Variants in NTN1 observed in about 807,000 individuals in gnomAD.
The protein encoded by NTN1 is netrin-1.
In NTN1, 11 loss-of-function variants were observed where a neutral mutation model predicts 54.2. The ratio of observed to expected loss-of-function variants is 0.20; its 90% confidence interval spans 0.13 to 0.34. The LOEUF is 0.34. Ranked by LOEUF, NTN1 falls within the 10% of genes least tolerant of loss-of-function variation. The probability of loss-of-function intolerance (pLI) is 1.00; values close to 1 mark genes in which losing one functional copy is unlikely to be tolerated. For synonymous variants in NTN1, 371 were observed against 382.0 expected (o/e 0.97, Z 0.33); for missense variants, 740 against 893.1 (o/e 0.83, Z 2.18).
chr17:9,094,702 A>G (rs1475411822), intron 2 of NTN1, among the ~76,000 whole-genome samples: 1 of 152,082 alleles, frequency 6.6e-6, no homozygotes, highest in East Asian at 1.9e-4. Flanking sequence ...AAGAAATAGC[A>G]TATTGAAGCC....
intron 6 of NTN1, among the ~76,000 whole-genome samples, chr17:9,236,135 G>A (rs1163383119): frequency 6.9e-6 from 1 of 144,430 alleles, no homozygotes; most frequent in Non-Finnish European, 1.5e-5. Context: ...GGGGGGGGGG[G>A]TACTAACATT....
chr17:9,215,442 A>G (rs1156562806), intron 5 of NTN1, among the ~76,000 whole-genome samples: 2 of 152,240 alleles, frequency 1.3e-5, no homozygotes, highest in African/African-American at 4.8e-5. Context: ...GCACAGAGAT[A>G]TCAATCACAT....
At position 9,210,905 on chromosome 17, in the gene NTN1, GAAAAAAAAAAAAAAAA is replaced by G. The variant is rs58541910; in HGVS notation, c.1412-10246_1412-10231del. Among the ~76,000 whole-genome samples the G allele has an allele frequency of 2.7e-3, 64 of 23,492 alleles. 1 individual carries two copies. The highest frequency in any genetic ancestry group is 0.036 in the Middle Eastern group (1 of 28). The allele number at this position is 23,492 out of a possible 152,430, so 15.4% of individuals were successfully genotyped here. On this transcript the variant is annotated intron_variant, in intron 5 of 6. Coordinates refer to ENST00000173229, the MANE Select transcript of NTN1 (RefSeq NM_004822.3). ...TGGGCTACAGAGTGAGACTCCATCT[GAAAAAAAAAAAAAAAA>G]AAAAAAAAAAAAAAAAGCCTCACCT...
intron 4 of NTN1, 137 bp from the exon 5 acceptor site, chr17:9,182,779 C>T: frequency 7.9e-6 from 7 of 885,308 alleles, no homozygotes; most frequent in Admixed American, 5.6e-5. Context: ...TCCTCTTGAG[C>T]CAAGGAGTGG....
intron 2 of NTN1, among the ~76,000 whole-genome samples, chr17:9,102,311 C>T (rs4791781): frequency 0.74 from 113,027 of 152,084 alleles, 42,274 homozygotes; most frequent in East Asian, 0.96. Context: ...ACAATCATGG[C>T]AGAAGGGGGA....
intron 5 of NTN1, among the ~76,000 whole-genome samples, chr17:9,210,389 T>G (rs1304317105): frequency 6.6e-6 from 1 of 151,670 alleles, no homozygotes; most frequent in African/African-American, 2.4e-5. Context: ...AGGGAGAGGA[T>G]GAAACCTCAC....
At chr17:9,079,490 C>G (rs559841887) in intron 2 of NTN1, among the ~76,000 whole-genome samples, 3 of 152,296 alleles carry the variant, frequency 2.0e-5, no homozygotes, top group East Asian at 3.9e-4. Context: ...ATTCTTTCCT[C>G]TAGCACCCCT....
chr17:9,045,456 CT>C (rs2142194318), intron 2 of NTN1, among the ~76,000 whole-genome samples: 1 of 152,280 alleles, frequency 6.6e-6, no homozygotes, highest in South Asian at 2.1e-4. Context: ...AGGCAGCTTC[CT>C]ACAGAAACGG....
At chr17:9,162,724 G>C (rs1243974407) in intron 2 of NTN1, 89 bp from the exon 3 acceptor site, 2 of 1,262,966 alleles carry the variant, frequency 1.6e-6, no homozygotes, top group South Asian at 1.4e-5. Flanking sequence ...GAAGGGAGGA[G>C]TTGAGGGGTG....
chr17:9,207,888 T>A (rs1380778217), intron 5 of NTN1, among the ~76,000 whole-genome samples: 1 of 152,176 alleles, frequency 6.6e-6, no homozygotes, highest in Non-Finnish European at 1.5e-5. Context: ...TCAAACCCTC[T>A]CCAGCCCAAC....
intron 2 of NTN1, among the ~76,000 whole-genome samples, chr17:9,049,868 G>A (rs1048992692): frequency 6.6e-6 from 1 of 152,168 alleles, no homozygotes. Flanking sequence ...AGTAATATCT[G>A]GGGGAAACTG....
At chr17:9,220,927 C>A (rs1007383123) in intron 5 of NTN1, among the ~76,000 whole-genome samples, 14 of 33,142 alleles carry the variant, frequency 4.2e-4, no homozygotes, top group African/African-American at 1.6e-3. Flanking sequence ...TGGTTGCAGG[C>A]GGTGGCTGAG....
intron 5 of NTN1, among the ~76,000 whole-genome samples, chr17:9,217,631 A>G (rs956089510): frequency 6.6e-6 from 1 of 152,212 alleles, no homozygotes; most frequent in Admixed American, 6.5e-5. Context: ...AGAGTCCACA[A>G]GCAGCCAAAT....
chr17:9,206,582 C>T (rs1200419584), intron 5 of NTN1, among the ~76,000 whole-genome samples: 1 of 152,144 alleles, frequency 6.6e-6, no homozygotes, highest in African/African-American at 2.4e-5. Context: ...TTGGGGGTCC[C>T]GGTGCACTAG....
intron 2 of NTN1, among the ~76,000 whole-genome samples, chr17:9,115,678 C>G (rs1025949205): frequency 2.6e-5 from 4 of 152,380 alleles, no homozygotes; most frequent in Middle Eastern, 3.4e-3. Context: ...ATCCTTCCCC[C>G]CCGGGGCGGG....
chr17:9,121,823 T>C (rs1177873404), intron 2 of NTN1, among the ~76,000 whole-genome samples: 1 of 152,140 alleles, frequency 6.6e-6, no homozygotes, highest in Non-Finnish European at 1.5e-5. Context: ...ACACGTCCTT[T>C]TCTTCCCCAG....
At chr17:9,014,111 A>G in the NTN1 span, among the ~76,000 whole-genome samples, 1 of 152,172 alleles carries the variant, frequency 6.6e-6, no homozygotes, top group Non-Finnish European at 1.5e-5. Context: ...AGATACAGAT[A>G]AACGACGTTG....
intron 3 of NTN1, chr17:9,177,847 C>T (rs2092405009): frequency 1.3e-5 from 2 of 152,288 alleles, no homozygotes; most frequent in South Asian, 4.1e-4. Context: ...AGACAAACAA[C>T]AGAGAATGAA....
At position 9,221,099 on chromosome 17, in the gene NTN1, C is replaced by G; in HGVS notation, c.1412-69C>G. ...CTATTTAGGGAGGCGGCCTCCTACT[C>G]TGCCCGCCAGCCTATTCATCGCCAG... On this transcript the variant is annotated intron_variant, in intron 5 of 6. Coordinates refer to ENST00000173229, the MANE Select transcript of NTN1 (RefSeq NM_004822.3). The surrounding 1 kb of genome is among the most constrained non-coding windows in gnomAD (Gnocchi z 4.5). 1 of 1,149,382 alleles carries G rather than the reference C, an allele frequency of 8.7e-7. No homozygotes were observed. The highest frequency in any genetic ancestry group is 1.2e-5 in the South Asian group (1 of 81,462). The allele number at this position is 1,149,382 out of a possible 1,614,324, so 71.2% of individuals were successfully genotyped here.
Sources: gnomAD v4.1 joint callset for allele counts (sites outside exome capture counted in the v4.1 genomes callset) on GRCh38, gnomAD v4.1.1 for gene constraint, Gnocchi (gnomAD v3.1) non-coding constraint, MANE v1.5 for transcripts, NCBI Gene and HGNC (gene_info 2026-07-23, HGNC 2026-07-21) for gene names.